Variants in FMN2 observed in about 807,000 individuals in gnomAD.
The protein encoded by FMN2 is formin 2.
A neutral mutation model predicts 142.3 loss-of-function variants in FMN2; 51 were observed. That is an observed-to-expected ratio of 0.36 (90% CI 0.29 to 0.45). FMN2 has a LOEUF of 0.45. Ranked by LOEUF, FMN2 falls within the 20% of genes least tolerant of loss-of-function variation. The pLI, the probability that FMN2 is intolerant of heterozygous loss-of-function variation, is 1.00. For missense variants in FMN2, 1,936 were observed against 2,122.8 expected (o/e 0.91, Z 1.73); for synonymous variants, 882 against 869.8 (o/e 1.01, Z -0.25).
At chr1:240,381,183 A>T (rs1673214879) in intron 14 of FMN2, among the ~76,000 whole-genome samples, 1 of 152,198 alleles carries the variant, frequency 6.6e-6, no homozygotes. Context: ...CCCTGGTACC[A>T]AAATCAGGCT....
At chr1:240,213,248 A>G (rs571487711) in intron 6 of FMN2, among the ~76,000 whole-genome samples, 133 of 152,184 alleles carry the variant, frequency 8.7e-4, no homozygotes, top group Non-Finnish European at 1.5e-3. Context: ...CAATATCCTC[A>G]TTTGTGTTTA....
chr1:240,184,522 T>G (rs1043249477), intron 3 of FMN2, among the ~76,000 whole-genome samples: 7 of 151,026 alleles, frequency 4.6e-5, no homozygotes, highest in African/African-American at 1.7e-4. Context: ...GGCCTGTTTT[T>G]TTTTTTTTTT....
At chr1:240,427,956 T>A (rs1558485516) in intron 15 of FMN2, among the ~76,000 whole-genome samples, 1 of 152,226 alleles carries the variant, frequency 6.6e-6, no homozygotes, top group Non-Finnish European at 1.5e-5. Flanking sequence ...TATTTTGTTC[T>A]CAGTTATTCC....
intron 14 of FMN2, 43 bp downstream of exon 14, chr1:240,355,951 CAAAAAAA>C (rs58002724): frequency 7.0e-4 from 176 of 252,874 alleles, no homozygotes; most frequent in African/African-American, 4.9e-3. Context: ...CCCCTTTCAG[CAAAAAAA>C]AAAAAAAAAA....
In FMN2 at chr1:240,275,080, G is replaced by GT. The variant is rs202193888; in HGVS notation, c.4153+17063dup. ...CAAGAAAGGGTGTTCTTTTTTTTAA[G>GT]TTTTTTTTTTTTTTTGTCTTTTATT... On this transcript the variant is annotated intron_variant, in intron 7 of 17. Transcript: ENST00000319653. Among the ~76,000 whole-genome samples, 488 of 141,074 alleles carry GT rather than the reference G, an allele frequency of 3.5e-3. 1 individual carries two copies. Among genetic ancestry groups the GT allele is most frequent in the Middle Eastern group, 0.011 (3 of 276 alleles). 92.6% of individuals were successfully genotyped at this position (141,074 alleles called of 152,430 possible). A position where few individuals can be genotyped will look rare whatever the true frequency, so the allele number is the denominator to read the frequency against.
chr1:240,119,793 A>G (rs542673655), intron 1 of FMN2, among the ~76,000 whole-genome samples: 2 of 152,276 alleles, frequency 1.3e-5, no homozygotes, highest in African/African-American at 2.4e-5. Context: ...GCACGTACAC[A>G]TTTACCTTCA....
At chr1:240,194,089 A>T (rs540489330) in intron 4 of FMN2, among the ~76,000 whole-genome samples, 13 of 150,946 alleles carry the variant, frequency 8.6e-5, no homozygotes, top group African/African-American at 2.9e-4. Flanking sequence ...AATCTTTAGG[A>T]TCCTTCATAT....
At chr1:240,248,797 G>A (rs1001322844) in intron 6 of FMN2, among the ~76,000 whole-genome samples, 1 of 151,680 alleles carries the variant, frequency 6.6e-6, no homozygotes, top group East Asian at 1.9e-4. Flanking sequence ...TGTTTGATTT[G>A]CATTTTCCTG....
Position 240,148,841 on chromosome 1 carries a change from G to A in FMN2, c.1782+25496G>A, listed in dbSNP as rs368940842. 2.4e-4 allele frequency among the ~76,000 whole-genome samples: 36 copies of A among 152,098 alleles called. No homozygotes were observed. The East Asian group carries it at 4.9e-3, about 21-fold the overall frequency. On this transcript the variant is annotated intron_variant, in intron 2 of 17. Coordinates refer to ENST00000319653, the MANE Select transcript of FMN2 (RefSeq NM_020066.5). ...CAAAAAATTAGCCGGGCATGGTGAC[G>A]AGTGCCTGTAGTCCCAGCTACTCAG...
intron 7 of FMN2, among the ~76,000 whole-genome samples, chr1:240,266,608 A>T (rs1164006269): frequency 6.6e-6 from 1 of 152,064 alleles, no homozygotes; most frequent in African/African-American, 2.4e-5. Context: ...TATCCAGGCC[A>T]CCATTGATGC....
intron 16 of FMN2, among the ~76,000 whole-genome samples, chr1:240,438,733 A>T (rs1675495820): frequency 6.6e-6 from 1 of 152,172 alleles, no homozygotes; most frequent in African/African-American, 2.4e-5. Context: ...TCTTTTCAGG[A>T]AGGGAAATGT....
chr1:240,420,624 A>C (rs1231491198), intron 15 of FMN2, among the ~76,000 whole-genome samples: 1 of 152,158 alleles, frequency 6.6e-6, no homozygotes, highest in Non-Finnish European at 1.5e-5. Flanking sequence ...TAAAGATATC[A>C]CCTGAGCTAA....
intron 15 of FMN2, among the ~76,000 whole-genome samples, chr1:240,395,389 G>C (rs774052930): frequency 2.6e-5 from 4 of 152,112 alleles, no homozygotes; most frequent in Non-Finnish European, 4.4e-5. Flanking sequence ...TGACTTTCAA[G>C]TCTTATTAGT....
intron 7 of FMN2, among the ~76,000 whole-genome samples, chr1:240,274,956 G>A (rs1034312667): frequency 6.6e-6 from 1 of 152,072 alleles, no homozygotes; most frequent in Admixed American, 6.6e-5. Flanking sequence ...GAGAGAGAAT[G>A]GAAAGACAGT....
rs576390814 is a variant in FMN2, at chr1:240,248,938, C to T, written c.4066-9007C>T. Among the ~76,000 whole-genome samples the T allele has an allele frequency of 5.9e-5, 9 of 151,832 alleles. No individual in the cohort carries two copies. The East Asian group carries it at 1.4e-3, about 23-fold the overall frequency. On this transcript the variant is annotated intron_variant, in intron 6 of 17. Coordinates refer to ENST00000319653, the MANE Select transcript of FMN2 (RefSeq NM_020066.5). ...GATGAATTATTTATTTATTTATTTA[C>T]TTACTTATTCATTTTTTTATGTACT...
intron 14 of FMN2, among the ~76,000 whole-genome samples, chr1:240,360,128 C>T (rs1473913802): frequency 2.0e-5 from 3 of 152,150 alleles, no homozygotes; most frequent in Non-Finnish European, 4.4e-5. Context: ...AGTTTTTTTC[C>T]TCAACAATGT....
intron 16 of FMN2, among the ~76,000 whole-genome samples, chr1:240,461,269 G>A (rs1364610931): frequency 6.6e-6 from 1 of 152,108 alleles, no homozygotes; most frequent in Non-Finnish European, 1.5e-5. Context: ...AGGTAATTTG[G>A]CCATTTTAAG....
At chr1:240,175,160 T>G (rs1182032061) in intron 2 of FMN2, among the ~76,000 whole-genome samples, 1 of 152,248 alleles carries the variant, frequency 6.6e-6, no homozygotes, top group Non-Finnish European at 1.5e-5. Context: ...TATCAGAGTT[T>G]CCTTCTATTT....
chr1:240,091,990 C>A lies in FMN2; in HGVS notation c.-120C>A, dbSNP rs1002279072. The A allele has an allele frequency of 1.5e-6, 2 of 1,375,612 alleles. No homozygotes were observed. Among genetic ancestry groups the A allele is most frequent in the Admixed American group, 3.7e-5 (1 of 27,096 alleles). 85.2% of individuals were successfully genotyped at this position (1,375,612 alleles called of 1,614,324 possible). ...GGCGCGCGTCGGCCTCCCCTCCCAG[C>A]GGCTCCCCCCGCCGCCGCCTGACTC... On this transcript the variant is annotated 5_prime_UTR_variant, in exon 1 of 18. Transcript: ENST00000319653.
Sources: gnomAD v4.1 joint callset for allele counts (sites outside exome capture counted in the v4.1 genomes callset) on GRCh38, gnomAD v4.1.1 for gene constraint, MANE v1.5 for transcripts, NCBI Gene and HGNC (gene_info 2026-07-23, HGNC 2026-07-21) for gene names.